The following LHFPL3 variants were observed in gnomAD, a reference collection of about 807,000 sequenced individuals.
LHFPL3 encodes LHFPL tetraspan subfamily member 3 protein.
LHFPL3 carries 5 observed loss-of-function variants against 19.3 expected under a neutral mutation model. The ratio of observed to expected loss-of-function variants is 0.26; its 90% CI spans 0.14 to 0.54. LHFPL3 has a LOEUF of 0.54. Among genes scored for constraint, LHFPL3 ranks in the 20% least tolerant of loss-of-function variants. LHFPL3 has a pLI of 0.94. For synonymous variants in LHFPL3, 133 were observed against 126.2 expected (o/e 1.05, Z -0.36); for missense variants, 249 against 307.4 (o/e 0.81, Z 1.42).
At chr7:104,872,849 C>G (rs1464510820) in intron 2 of LHFPL3, among the ~76,000 whole-genome samples, 1 of 152,156 alleles carries the variant, frequency 6.6e-6, no homozygotes, top group Non-Finnish European at 1.5e-5. Context: ...TAGGAGTACA[C>G]TCTAAAATAA....
intron 1 of LHFPL3, among the ~76,000 whole-genome samples, chr7:104,687,707 C>G (rs1192459437): frequency 6.6e-6 from 1 of 152,194 alleles, no homozygotes; most frequent in African/African-American, 2.4e-5. Context: ...AGTTCCCTAT[C>G]TGGACCAGCA....
chr7:104,406,361 A>C (rs772719011), intron 1 of LHFPL3, among the ~76,000 whole-genome samples: 1 of 152,366 alleles, frequency 6.6e-6, no homozygotes, highest in South Asian at 2.1e-4. Flanking sequence ...TTAAGAGAGC[A>C]GTTTTGGAGC....
At chr7:104,523,894 A>T (rs546895497) in intron 1 of LHFPL3, among the ~76,000 whole-genome samples, 2 of 152,334 alleles carry the variant, frequency 1.3e-5, no homozygotes, top group East Asian at 3.9e-4. Context: ...GTGCTCATCC[A>T]AGACTTACTA....
At chr7:104,496,702 T>C (rs1793490104) in intron 1 of LHFPL3, among the ~76,000 whole-genome samples, 2 of 152,194 alleles carry the variant, frequency 1.3e-5, no homozygotes, top group South Asian at 2.1e-4. Context: ...GCTGCGCTGG[T>C]TCCAAAGTCT....
intron 2 of LHFPL3, among the ~76,000 whole-genome samples, chr7:104,819,463 C>G (rs1790635695): frequency 6.6e-6 from 1 of 151,690 alleles, no homozygotes; most frequent in African/African-American, 2.4e-5. Flanking sequence ...CACAAAAATT[C>G]TGACCCTTGT....
intron 1 of LHFPL3, among the ~76,000 whole-genome samples, chr7:104,590,904 A>C (rs1790703429): frequency 1.3e-5 from 2 of 151,962 alleles, no homozygotes; most frequent in African/African-American, 4.8e-5. Context: ...TGTTGGTTTA[A>C]AGTCTGTTTT....
chr7:104,376,721 C>G (rs1302007004), intron 1 of LHFPL3, among the ~76,000 whole-genome samples: 1 of 152,170 alleles, frequency 6.6e-6, no homozygotes, highest in Non-Finnish European at 1.5e-5. Context: ...GGGCCAGGCT[C>G]TATTACTCTG....
At chr7:104,510,896 T>C (rs1793799176) in intron 1 of LHFPL3, among the ~76,000 whole-genome samples, 1 of 152,082 alleles carries the variant, frequency 6.6e-6, no homozygotes, top group Non-Finnish European at 1.5e-5. Context: ...CCGGGGCCTA[T>C]CAGAGAGTGG....
intron 2 of LHFPL3, among the ~76,000 whole-genome samples, chr7:104,816,249 C>A (rs1232250097): frequency 6.6e-6 from 1 of 152,150 alleles, no homozygotes; most frequent in Non-Finnish European, 1.5e-5. Flanking sequence ...CAAAAAGAAT[C>A]AATCTAGGTA....
intron 2 of LHFPL3, among the ~76,000 whole-genome samples, chr7:104,843,896 T>C (rs1791261506): frequency 6.6e-6 from 1 of 152,130 alleles, no homozygotes; most frequent in Non-Finnish European, 1.5e-5. Context: ...TCTGTCTCAA[T>C]AGGCCCATCT....
chr7:104,335,892 T>C (rs1228534450), intron 1 of LHFPL3, among the ~76,000 whole-genome samples: 3 of 149,308 alleles, frequency 2.0e-5, no homozygotes, highest in Non-Finnish European at 4.4e-5. Context: ...AGCATATAGC[T>C]AGAGTTCCAG....
chr7:104,544,069 T>A (rs887778420), intron 1 of LHFPL3, among the ~76,000 whole-genome samples: 21 of 149,324 alleles, frequency 1.4e-4, no homozygotes, highest in Admixed American at 1.3e-3. Flanking sequence ...GTATTAGGAG[T>A]TTGCAATTCA....
chr7:104,406,968 G>A (rs1224531687), intron 1 of LHFPL3, among the ~76,000 whole-genome samples: 1 of 152,214 alleles, frequency 6.6e-6, no homozygotes, highest in Non-Finnish European at 1.5e-5. Context: ...CAAGGTATGA[G>A]TTAGATCCCT....
At chr7:104,432,783 C>A (rs529347291) in intron 1 of LHFPL3, among the ~76,000 whole-genome samples, 132 of 152,014 alleles carry the variant, frequency 8.7e-4, no homozygotes, top group African/African-American at 2.8e-3. Flanking sequence ...CCCCATATCC[C>A]ACCCCTAATT....
At chr7:104,719,120 T>C (rs1793442086) in intron 1 of LHFPL3, among the ~76,000 whole-genome samples, 1 of 152,200 alleles carries the variant, frequency 6.6e-6, no homozygotes. Flanking sequence ...TAAAACAATG[T>C]GTTTACTGAA....
At chr7:104,454,399 G>T (rs1028223038) in intron 1 of LHFPL3, among the ~76,000 whole-genome samples, 1 of 152,118 alleles carries the variant, frequency 6.6e-6, no homozygotes, top group African/African-American at 2.4e-5. Context: ...ATGAGAAATG[G>T]GTATTATTGT....
intron 1 of LHFPL3, 80 bp downstream of exon 1, chr7:104,329,304 G>A: frequency 6.7e-7 from 1 of 1,484,192 alleles, no homozygotes. Context: ...GGAGGGACGG[G>A]GGCTGTGCGC....
intron 1 of LHFPL3, among the ~76,000 whole-genome samples, chr7:104,713,990 G>A (rs772491690): frequency 3.3e-5 from 5 of 152,206 alleles, no homozygotes; most frequent in Non-Finnish European, 5.9e-5. Context: ...GCATTTTGCT[G>A]GCAGGCTAAG....
intron 1 of LHFPL3, among the ~76,000 whole-genome samples, chr7:104,423,642 A>G (rs1791777707): frequency 6.6e-6 from 1 of 152,208 alleles, no homozygotes; most frequent in East Asian, 1.9e-4. Flanking sequence ...CCTGGGTGAC[A>G]GAGCAAGACC....
Sources: allele counts gnomAD v4.1 joint callset (sites outside exome capture counted in the v4.1 genomes callset), GRCh38; gene constraint gnomAD v4.1.1; transcripts MANE v1.5; gene names NCBI Gene and HGNC (gene_info 2026-07-23, HGNC 2026-07-21).